LTN1: variants seen among roughly 807,000 people sequenced by gnomAD.
The protein encoded by LTN1 is listerin E3 ubiquitin protein ligase 1.
A neutral mutation model predicts 201.2 loss-of-function variants in LTN1; 88 were observed. The observed-to-expected ratio is 0.44, with a 90% CI of 0.37 to 0.52. The LOEUF is 0.52. Among genes scored for constraint, LTN1 ranks in the 20% least tolerant of loss-of-function variants. The pLI, the probability that LTN1 is intolerant of heterozygous loss-of-function variation, is 0.00. For synonymous variants in LTN1, 645 were observed against 713.5 expected, an observed-to-expected ratio of 0.90 and a Z score of 1.53; for missense variants, 1,752 against 2,038.7, an observed-to-expected ratio of 0.86 and a Z score of 2.71.
Position 28,981,226 on chromosome 21 carries a change from A to T in LTN1, c.703T>A (p.Leu235Ile). 6.2e-7 allele frequency: 1 copy of T among 1,600,008 alleles called. No homozygotes were observed. The highest frequency in any genetic ancestry group is 8.5e-7 in the Non-Finnish European group (1 of 1,175,796). The change falls in exon 6 of 30, where the codon TTA (leucine) becomes ATA (isoleucine). Residue 235 changes from leucine to isoleucine, a missense_variant. Around this residue, in one of 3 missense-constraint regions of LTN1, gnomAD observed 280 missense variants for 375.7 expected, o/e 0.75. Transcript: ENST00000361371. The stretch of plus-strand genomic sequence containing the variant: ...TCATTATCAGGTAAAAGGCAAAGTA[A>T]TCTCTTTAATGCCAATAAGGAACAA... Reference protein sequence around the residue: ...VTCSLLALKRLLCLLPDNELD... With the variant: ...VTCSLLALKRILCLLPDNELD...
In LTN1 at chr21:28,960,524, A is replaced by G; in HGVS notation, c.2346T>C (p.Val782=). The G allele has an allele frequency of 6.2e-7, 1 of 1,609,764 alleles. No homozygotes were observed. The part of the protein sequence containing the change: ...TLLSLVLSQH[V]KNDYLIGDVY... ...AAGCCATATTTGTCCTACCATTTTT[A>G]ACATGTTGGGATAATACCAAGCTTA... Residue 782 remains valine, a synonymous_variant, in exon 12 of 30, where the codon GTT becomes GTC. Transcript: ENST00000361371.
chr21:28,968,599 G>A (rs2084545453), intron 9 of LTN1, among the ~76,000 whole-genome samples: 1 of 151,788 alleles, frequency 6.6e-6, no homozygotes, highest in Non-Finnish European at 1.5e-5. Context: ...TCAAAATTCT[G>A]CTTTGCATTA....
chr21:28,967,370 G>A (rs991023024), intron 9 of LTN1, among the ~76,000 whole-genome samples, 191 bp from the exon 10 acceptor site: 13 of 152,090 alleles, frequency 8.5e-5, no homozygotes, highest in Non-Finnish European at 7.4e-5. Context: ...CAGGATTAAA[G>A]GGCTAGAACT....
intron 6 of LTN1, among the ~76,000 whole-genome samples, chr21:28,980,132 CA>C (rs1171594167): frequency 6.6e-6 from 1 of 151,986 alleles, no homozygotes. Context: ...GTCCTTTTCA[CA>C]GTACTTTTTC....
intron 1 of LTN1, among the ~76,000 whole-genome samples, chr21:28,989,575 A>C (rs2084729286): frequency 6.6e-6 from 1 of 152,094 alleles, no homozygotes; most frequent in Non-Finnish European, 1.5e-5. Context: ...ACCAAGGAAG[A>C]CTTACAAGAC....
intron 23 of LTN1, 93 bp from the exon 24 acceptor site, chr21:28,943,429 G>A (rs190313930): frequency 7.7e-6 from 6 of 774,598 alleles, no homozygotes; most frequent in East Asian, 2.6e-5. Context: ...ATTTTATAAT[G>A]AGTAAATGTT....
At chr21:28,943,956 G>A (rs2084316977) in intron 22 of LTN1, 52 bp from the exon 23 acceptor site, 2 of 995,050 alleles carry the variant, frequency 2.0e-6, no homozygotes, top group Non-Finnish European at 3.1e-6. Context: ...AGTTAGTATA[G>A]CTTAAATGAT....
At chr21:28,937,866 C>T (rs948406001) in intron 25 of LTN1, among the ~76,000 whole-genome samples, 1 of 152,072 alleles carries the variant, frequency 6.6e-6, no homozygotes, top group African/African-American at 2.4e-5. Flanking sequence ...ATAAGGGATA[C>T]TCAACCTGTA....
At chr21:28,975,296 G>A (rs979818140) in intron 6 of LTN1, among the ~76,000 whole-genome samples, 2 of 151,914 alleles carry the variant, frequency 1.3e-5, no homozygotes, top group South Asian at 4.2e-4. Context: ...GAAGTTCTAG[G>A]AATAAAAAAT....
intron 11 of LTN1, among the ~76,000 whole-genome samples, chr21:28,963,469 GC>G (rs2084496364): frequency 6.6e-6 from 1 of 152,058 alleles, no homozygotes; most frequent in Non-Finnish European, 1.5e-5. Context: ...AATATCTTAA[GC>G]CCACTGTTGG....
At chr21:28,951,426 A>G (rs897921959) in intron 18 of LTN1, among the ~76,000 whole-genome samples, 1 of 152,188 alleles carries the variant, frequency 6.6e-6, no homozygotes, top group Non-Finnish European at 1.5e-5. Context: ...GAACAGACAC[A>G]TTTGTTACAT....
At position 28,984,691 on chromosome 21, in the gene LTN1, C is replaced by A. The variant is rs2084683391; in HGVS notation, c.576+1G>T. On this transcript the variant is annotated splice_donor_variant, in intron 4 of 29. Transcript: ENST00000361371. LOFTEE classifies it high-confidence loss of function. ...AGATTCAGAATGATTCCAGAACTTA[C>A]ACTTGTAATTTCATCCTTACAAAAT... is the stretch of plus-strand genomic sequence containing the variant. 1 of 1,603,582 alleles carries A rather than the reference C, an allele frequency of 6.2e-7. No homozygotes were observed. The highest frequency in any genetic ancestry group is 8.5e-7 in the Non-Finnish European group (1 of 1,171,964).
chr21:28,934,873 G>A (rs2084241612), intron 27 of LTN1, among the ~76,000 whole-genome samples: 1 of 152,052 alleles, frequency 6.6e-6, no homozygotes, highest in Non-Finnish European at 1.5e-5. Context: ...ATGAAGTAAT[G>A]TTGAGATTTG....
intron 1 of LTN1, among the ~76,000 whole-genome samples, chr21:28,990,093 C>A (rs2084733333): frequency 6.6e-6 from 1 of 152,168 alleles, no homozygotes; most frequent in Non-Finnish European, 1.5e-5. Context: ...AACTCCTACT[C>A]ATCTTTCAAA....
chr21:28,971,399 T>C lies in LTN1; in HGVS notation c.856A>G (p.Ile286Val). The C allele has an allele frequency of 6.2e-7, 1 of 1,614,164 alleles. No individual in the cohort carries two copies. The highest frequency in any genetic ancestry group is 8.5e-7 in the Non-Finnish European group (1 of 1,180,012). The change falls in exon 7 of 30, where the codon ATT (isoleucine) becomes GTT (valine). Residue 286 changes from isoleucine (I) to valine (V), a missense_variant. Physicochemically the swap from Ile to Val is conservative, Grantham distance 29. Coordinates refer to ENST00000361371, the MANE Select transcript of LTN1 (RefSeq NM_015565.3). ...FELVSALCQR[I>V]PQLMKEEASK... is the part of the protein sequence containing the mutation. ...GCTTCCTCTTTCATCAACTGTGGAA[T>C]GCGCTGGCACAATGCAGAGACTAAC...
intron 24 of LTN1, among the ~76,000 whole-genome samples, chr21:28,942,999 C>T (rs2146266187): frequency 6.6e-6 from 1 of 152,318 alleles, no homozygotes; most frequent in African/African-American, 2.4e-5. Flanking sequence ...AACCGATACA[C>T]TCTTTCCACA....
At position 28,971,319 on chromosome 21, in the gene LTN1, G is replaced by C. The variant is rs1230480516; in HGVS notation, c.936C>G (p.Val312=). The stretch of plus-strand genomic sequence containing the variant: ...GTACAGCTTCCCAGAGAGCTGGGCA[G>C]ACAATTGGGTCACTGTCATCAATGC... ...LLSIDDSDPI[V]CPALWEAVLY... Residue 312 remains valine (V), a synonymous_variant, in exon 7 of 30, where the codon GTC becomes GTG. Coordinates refer to ENST00000361371, the MANE Select transcript of LTN1 (RefSeq NM_015565.3). The C allele has an allele frequency of 6.2e-7, 1 of 1,614,114 alleles. No homozygotes were observed. The highest frequency in any genetic ancestry group is 8.5e-7 in the Non-Finnish European group (1 of 1,179,966).
intron 25 of LTN1, among the ~76,000 whole-genome samples, chr21:28,938,416 TA>T (rs1162489231): frequency 6.6e-6 from 1 of 152,204 alleles, no homozygotes; most frequent in Non-Finnish European, 1.5e-5. Context: ...GTAACTTTTT[TA>T]TCTAAAAGAG....
At chr21:28,987,864 C>T (rs1322238898) in intron 1 of LTN1, among the ~76,000 whole-genome samples, 1 of 152,230 alleles carries the variant, frequency 6.6e-6, no homozygotes, top group Non-Finnish European at 1.5e-5. Flanking sequence ...CTCATACCGG[C>T]CGGGCACAGT....
Sources: gnomAD v4.1 joint callset for allele counts (sites outside exome capture counted in the v4.1 genomes callset) on GRCh38, gnomAD v4.1.1 for gene constraint, gnomAD v4.1.1 regional missense constraint, MANE v1.5 for transcripts, NCBI Gene and HGNC (gene_info 2026-07-23, HGNC 2026-07-21) for gene names.